Variants in PRKACB observed in about 807,000 individuals in gnomAD.
The protein encoded by PRKACB is cAMP-dependent protein kinase catalytic subunit beta.
A neutral mutation model predicts 51.4 loss-of-function variants in PRKACB; 16 were observed. The ratio of observed to expected loss-of-function variants is 0.31; its 90% CI spans 0.21 to 0.47. The LOEUF (loss-of-function observed/expected upper bound fraction) is 0.47, where lower values mean the gene tolerates loss of function less well. Ranked by LOEUF, PRKACB falls within the 20% of genes least tolerant of loss-of-function variation. The pLI is 1.00. For missense variants in PRKACB, 309 were observed against 464.5 expected, an observed-to-expected ratio of 0.67 and a Z score of 3.08; for synonymous variants, 147 against 154.4, an observed-to-expected ratio of 0.95 and a Z score of 0.35.
chr1:84,185,429 C>A (rs41301152), intron 5 of PRKACB, among the ~76,000 whole-genome samples: 3,576 of 151,672 alleles, frequency 0.024, 67 homozygotes, highest in Non-Finnish European at 0.036. Context: ...TGTGAGGGTC[C>A]ACTACTTGAA....
intron 1 of PRKACB, among the ~76,000 whole-genome samples, chr1:84,113,807 A>T (rs919091311): frequency 6.6e-6 from 1 of 152,224 alleles, no homozygotes; most frequent in African/African-American, 2.4e-5. Flanking sequence ...AGATACAGAA[A>T]GTAGACTGAT....
chr1:84,115,042 G>A (rs556163770), intron 1 of PRKACB, among the ~76,000 whole-genome samples: 4 of 152,216 alleles, frequency 2.6e-5, no homozygotes, highest in South Asian at 4.1e-4. Context: ...TTTCCTTTGG[G>A]TAGATACTCA....
At chr1:84,220,055 T>C (rs1673472640) in intron 9 of PRKACB, among the ~76,000 whole-genome samples, 1 of 152,074 alleles carries the variant, frequency 6.6e-6, no homozygotes, top group African/African-American at 2.4e-5. Context: ...ATCATTTTAA[T>C]ATATTTATTT....
chr1:84,203,510 CTT>C (rs1302283820), intron 8 of PRKACB, among the ~76,000 whole-genome samples: 1 of 151,828 alleles, frequency 6.6e-6, no homozygotes, highest in African/African-American at 2.4e-5. Context: ...GACCTCGGAT[CTT>C]TTTTTAAAAG....
Position 84,184,121 on chromosome 1 carries a change from G to A in PRKACB, c.463G>A (p.Glu155Lys), listed in dbSNP as rs773825429. Residue 155 changes from glutamate to lysine, a missense_variant, in exon 4 of 10, where the codon GAG (glutamate) becomes AAG (lysine). Coordinates refer to ENST00000370685, the MANE Select transcript of PRKACB (RefSeq NM_182948.4). ...GAATTTTCCTTTCCTTGTTCGACTGGAGTATGCTTTTAAGGTAAATTTTAG... is the reference window on the plus strand; with the variant it reads ...GAATTTTCCTTTCCTTGTTCGACTGAAGTATGCTTTTAAGGTAAATTTTAG... Reference protein sequence around the residue: ...AVNFPFLVRLEYAFKDNSNLY... With the variant: ...AVNFPFLVRLKYAFKDNSNLY... 11 of 1,602,500 alleles carry A rather than the reference G, an allele frequency of 6.9e-6. No homozygotes were observed. In the South Asian group the frequency reaches 1.2e-4, roughly 18 times the overall value.
At chr1:84,163,953 C>G (rs1263963887) in intron 1 of PRKACB, among the ~76,000 whole-genome samples, 1 of 151,926 alleles carries the variant, frequency 6.6e-6, no homozygotes, top group Non-Finnish European at 1.5e-5. Flanking sequence ...CCAGTCAGCC[C>G]ACCTTGCTAT....
intron 1 of PRKACB, among the ~76,000 whole-genome samples, chr1:84,104,421 T>A (rs1417859406): frequency 6.6e-6 from 1 of 152,208 alleles, no homozygotes; most frequent in Non-Finnish European, 1.5e-5. Context: ...TCTTGATTAT[T>A]GTGAATAGTG....
intron 1 of PRKACB, among the ~76,000 whole-genome samples, chr1:84,158,734 A>G (rs1219969205): frequency 1.3e-4 from 20 of 152,094 alleles, no homozygotes; most frequent in Admixed American, 1.3e-3. Context: ...ATCTTAAGAA[A>G]TTTGTATCTA....
chr1:84,171,594 GA>G (rs1659489922), intron 1 of PRKACB, among the ~76,000 whole-genome samples: 1 of 151,536 alleles, frequency 6.6e-6, no homozygotes, highest in Non-Finnish European at 1.5e-5. Context: ...TCAAGTATAG[GA>G]AAAGAAAATT....
chr1:84,111,402 A>G (rs1650216739), intron 1 of PRKACB, among the ~76,000 whole-genome samples: 1 of 152,152 alleles, frequency 6.6e-6, no homozygotes, highest in African/African-American at 2.4e-5. Flanking sequence ...TGGAAAAAAT[A>G]TGGGGTTAGT....
At chr1:84,078,234 G>C (rs1647242225) in exon 1 of PRKACB, 5 of 1,434,826 alleles carry the variant, frequency 3.5e-6, no homozygotes, top group African/African-American at 1.4e-5. Flanking sequence ...TCTGACGGGT[G>C]CAGACGCGGG....
At chr1:84,183,210 G>T (rs1664079554) in intron 3 of PRKACB, among the ~76,000 whole-genome samples, 1 of 151,826 alleles carries the variant, frequency 6.6e-6, no homozygotes. Flanking sequence ...ACATATACAA[G>T]AAAATTATTT....
At chr1:84,215,952 T>A (rs745517138) in intron 9 of PRKACB, among the ~76,000 whole-genome samples, 1 of 152,142 alleles carries the variant, frequency 6.6e-6, no homozygotes, top group Non-Finnish European at 1.5e-5. Flanking sequence ...TGCAACTACA[T>A]GATTGAGTTT....
intron 1 of PRKACB, among the ~76,000 whole-genome samples, chr1:84,092,214 C>T (rs1648533048): frequency 6.6e-6 from 1 of 152,072 alleles, no homozygotes; most frequent in Non-Finnish European, 1.5e-5. Context: ...TTACTGAAAC[C>T]CCAGAAACTT....
intron 8 of PRKACB, chr1:84,204,402 C>T (rs1670995680): frequency 2.8e-6 from 3 of 1,063,622 alleles, no homozygotes; most frequent in Non-Finnish European, 4.3e-6. Flanking sequence ...AAACAAGTAT[C>T]AGTATCACTG....
rs954364804 is a variant in PRKACB at position 84,091,692 on chromosome 1, A to G, written c.46+13321A>G. ...GCTAATTTTCGTATTTTTGGTAGAGATGGGGTTTTGCCATGTTGCCCGGCC... is the reference window on the plus strand; with the variant it reads ...GCTAATTTTCGTATTTTTGGTAGAGGTGGGGTTTTGCCATGTTGCCCGGCC... On this transcript the variant is annotated intron_variant, in intron 1 of 8. Transcript: ENST00000370688. 3.9e-5 allele frequency among the ~76,000 whole-genome samples: 6 copies of G among 151,948 alleles called. No individual in the cohort carries two copies. In the South Asian group the frequency reaches 6.2e-4, roughly 16 times the overall value.
Position 84,085,897 on chromosome 1 carries a change from T to C in PRKACB, c.46+7526T>C, listed in dbSNP as rs1027599448. Reference sequence around the variant, plus strand: ...AACACCCAACTCAGCCCAGACCATATACACCACCAGCATCTCCTCAATGAC... The same window carrying C: ...AACACCCAACTCAGCCCAGACCATACACACCACCAGCATCTCCTCAATGAC... On this transcript the variant is annotated intron_variant, in intron 1 of 8. Transcript: ENST00000370688. 66 of 644,214 alleles carry C rather than the reference T, an allele frequency of 1.0e-4. 1 individual carries two copies. In the African/African-American group the frequency reaches 1.1e-3, roughly 11 times the overall value. The allele number at this position is 644,214 out of a possible 1,614,324, so 39.9% of individuals were successfully genotyped here. A position where few individuals can be genotyped will look rare whatever the true frequency, so the allele number is the denominator to read the frequency against.
chr1:84,095,239 T>C (rs1042357990), intron 1 of PRKACB, among the ~76,000 whole-genome samples: 11 of 140,136 alleles, frequency 7.8e-5, no homozygotes, highest in Non-Finnish European at 1.1e-4. Flanking sequence ...ATTTATCCCA[T>C]ATTTGCTGTT....
intron 2 of PRKACB, chr1:84,181,611 T>C: frequency 1.7e-6 from 2 of 1,202,530 alleles, no homozygotes; most frequent in Non-Finnish European, 2.2e-6. Context: ...TTGTTTTAGA[T>C]AATACTGTGT....
Sources: gnomAD v4.1 joint callset for allele counts (sites outside exome capture counted in the v4.1 genomes callset) on GRCh38, gnomAD v4.1.1 for gene constraint, MANE v1.5 for transcripts, NCBI Gene and HGNC (gene_info 2026-07-23, HGNC 2026-07-21) for gene names.